The following GRIK3 variants were observed in gnomAD, a reference collection of about 807,000 sequenced individuals.
GRIK3 encodes the protein glutamate ionotropic receptor kainate type subunit 3.
In GRIK3, 29 loss-of-function variants were observed where a neutral mutation model predicts 102.5. That is an observed-to-expected ratio of 0.28 (90% CI 0.21 to 0.39). The LOEUF (loss-of-function observed/expected upper bound fraction) is 0.39, where lower values mean the gene tolerates loss of function less well. Among genes scored for constraint, GRIK3 ranks in the 10% least tolerant of loss-of-function variants. The pLI, the probability that GRIK3 is intolerant of heterozygous loss-of-function variation, is 1.00. For synonymous variants in GRIK3, 511 were observed against 504.9 expected (o/e 1.01, Z -0.16); for missense variants, 908 against 1,252.4 (o/e 0.73, Z 4.15).
At chr1:36,976,104 G>T (rs1362673620) in intron 1 of GRIK3, among the ~76,000 whole-genome samples, 1 of 152,148 alleles carries the variant, frequency 6.6e-6, no homozygotes, top group Non-Finnish European at 1.5e-5. Context: ...CTCCTGCTTG[G>T]CTACAGCAGG....
chr1:37,013,453 C>T (rs935201143), intron 1 of GRIK3, among the ~76,000 whole-genome samples: 2 of 152,204 alleles, frequency 1.3e-5, no homozygotes, highest in Admixed American at 1.3e-4. Context: ...CTGGGCTACT[C>T]CTCTGGCATG....
intron 1 of GRIK3, among the ~76,000 whole-genome samples, chr1:36,989,093 C>T (rs1642336940): frequency 6.6e-6 from 1 of 152,146 alleles, no homozygotes; most frequent in Non-Finnish European, 1.5e-5. Flanking sequence ...CAAACACAGG[C>T]TCACGCCCCA....
At chr1:36,925,411 C>T in intron 1 of GRIK3, among the ~76,000 whole-genome samples, 1 of 152,372 alleles carries the variant, frequency 6.6e-6, no homozygotes, top group South Asian at 2.1e-4. Flanking sequence ...GCCCTCGGAG[C>T]CTTTCCCCTG....
At chr1:36,844,749 A>G (rs574395528) in intron 9 of GRIK3, among the ~76,000 whole-genome samples, 3 of 152,188 alleles carry the variant, frequency 2.0e-5, no homozygotes, top group African/African-American at 7.2e-5. Flanking sequence ...CAATATTATT[A>G]TTATTATTAA....
At chr1:36,875,474 C>A (rs1488772437) in intron 3 of GRIK3, among the ~76,000 whole-genome samples, 2 of 152,242 alleles carry the variant, frequency 1.3e-5, no homozygotes, top group Admixed American at 6.5e-5. Context: ...ATTGGGCTCA[C>A]CCATGTGAAT....
rs563247673 is a variant in GRIK3, at chr1:36,951,987, T to C, written c.116-60891A>G. On this transcript the variant is annotated intron_variant, in intron 1 of 15. Coordinates refer to ENST00000373091, the MANE Select transcript of GRIK3 (RefSeq NM_000831.4). ...TGTGGGGAGGAGCATCGAAGGGAAA[T>C]GAATGTTCCTGCCAGTCAGCCACCT... Among the ~76,000 whole-genome samples, 6 of 151,930 alleles carry C rather than the reference T, an allele frequency of 3.9e-5. No individual in the cohort carries two copies. The East Asian group carries it at 1.2e-3, about 30-fold the overall frequency.
intron 1 of GRIK3, among the ~76,000 whole-genome samples, chr1:36,933,155 T>TA (rs1641615354): frequency 2.0e-5 from 3 of 152,150 alleles, no homozygotes; most frequent in Non-Finnish European, 4.4e-5. Context: ...ACTCTCTGCT[T>TA]TCTAAACAGT....
intron 10 of GRIK3, 112 bp downstream of exon 10, chr1:36,841,624 C>T: frequency 1.1e-6 from 1 of 888,058 alleles, no homozygotes; most frequent in Non-Finnish European, 1.8e-6. Context: ...ATCTCCATCA[C>T]TCCTGTCCCC....
intron 11 of GRIK3, among the ~76,000 whole-genome samples, chr1:36,821,254 A>G (rs1043517598): frequency 6.6e-6 from 1 of 152,256 alleles, no homozygotes; most frequent in South Asian, 2.1e-4. Flanking sequence ...CAAGACAGGG[A>G]TCTTCAAAGG....
intron 1 of GRIK3, among the ~76,000 whole-genome samples, chr1:36,999,409 C>T (rs532954755): frequency 1.3e-5 from 2 of 152,180 alleles, no homozygotes; most frequent in East Asian, 3.9e-4. Flanking sequence ...AGCACCAGGG[C>T]AGGTAGACAG....
chr1:36,864,418 G>A (rs1392789583), intron 5 of GRIK3, among the ~76,000 whole-genome samples: 1 of 152,214 alleles, frequency 6.6e-6, no homozygotes, highest in East Asian at 1.9e-4. Context: ...ATGGCATTCA[G>A]TCTCTTCTCC....
rs1386089058 is a variant in GRIK3 at position 37,010,634 on chromosome 1, AG to A, written c.115+23359del. Among the ~76,000 whole-genome samples, 3 of 151,912 alleles carry A rather than the reference AG, an allele frequency of 2.0e-5. No individual in the cohort carries two copies. In the East Asian group the frequency reaches 5.8e-4, roughly 29 times the overall value. ...TGCAGTGTCCGGCTGTAATGCTTGT[AG>A]AAAGCACCCAGGAGTTGCCCAACCT... On this transcript the variant is annotated intron_variant, in intron 1 of 15. Coordinates refer to ENST00000373091, the MANE Select transcript of GRIK3 (RefSeq NM_000831.4).
intron 4 of GRIK3, among the ~76,000 whole-genome samples, chr1:36,870,117 C>G (rs1640826856): frequency 6.6e-6 from 1 of 152,228 alleles, no homozygotes. Context: ...GTCTCCCGGC[C>G]TGCCACACTT....
At chr1:36,978,911 G>A (rs1642221298) in intron 1 of GRIK3, among the ~76,000 whole-genome samples, 1 of 152,216 alleles carries the variant, frequency 6.6e-6, no homozygotes, top group East Asian at 1.9e-4. Context: ...CTTGATAGCA[G>A]ATGGTAGTCA....
chr1:37,000,931 C>A (rs186743039), intron 1 of GRIK3, among the ~76,000 whole-genome samples: 2 of 152,182 alleles, frequency 1.3e-5, no homozygotes, highest in Non-Finnish European at 2.9e-5. Flanking sequence ...TGGCAAATAC[C>A]GAAGCATTGC....
chr1:36,917,085 G>A (rs766320567), intron 1 of GRIK3, among the ~76,000 whole-genome samples: 2 of 152,218 alleles, frequency 1.3e-5, no homozygotes, highest in Non-Finnish European at 2.9e-5. Context: ...TCTTGCATCA[G>A]TGTGATCTGT....
In GRIK3 at chr1:36,872,046, C is replaced by T; in HGVS notation, c.732+142G>A. On this transcript the variant is annotated intron_variant, in intron 4 of 15. Coordinates refer to ENST00000373091, the MANE Select transcript of GRIK3 (RefSeq NM_000831.4). This position sits in a 1 kb window ranked among gnomAD's most constrained non-coding sequence, Gnocchi z 5.9. ...AAATGAGGCTCAGAGAGGCAAACCACCCAAGGTCACACAGCAGGAAAGTGG... is the reference window on the plus strand; with the variant it reads ...AAATGAGGCTCAGAGAGGCAAACCATCCAAGGTCACACAGCAGGAAAGTGG... 1 of 752,878 alleles carries T rather than the reference C, an allele frequency of 1.3e-6. No individual in the cohort carries two copies. The highest frequency in any genetic ancestry group is 2.1e-6 in the Non-Finnish European group (1 of 482,368). The allele number at this position is 752,878 out of a possible 1,614,324, so 46.6% of individuals were successfully genotyped here.
chr1:36,898,936 A>T (rs1356251887), intron 1 of GRIK3, among the ~76,000 whole-genome samples: 1 of 152,208 alleles, frequency 6.6e-6, no homozygotes, highest in Admixed American at 6.5e-5. Context: ...TGGGGAAAGG[A>T]TAGTCTTTTC....
At position 36,806,058 on chromosome 1, in the gene GRIK3, C is replaced by T; in HGVS notation, c.2314+46G>A. 1.5e-6 allele frequency: 2 copies of T among 1,359,748 alleles called. No homozygotes were observed. Among genetic ancestry groups the T allele is most frequent in the Admixed American group, 1.7e-5 (1 of 58,388 alleles). 84.2% of individuals were successfully genotyped at this position (1,359,748 alleles called of 1,614,324 possible). ...GAGGGGACGCGGGGGTGGAGCCCTC[C>T]CTCTGCCCACACACCCACCCCTCCC... On this transcript the variant is annotated intron_variant, in intron 14 of 15. Coordinates refer to ENST00000373091, the MANE Select transcript of GRIK3 (RefSeq NM_000831.4). This position sits in a 1 kb window ranked among gnomAD's most constrained non-coding sequence, Gnocchi z 4.0.
Sources: allele counts gnomAD v4.1 joint callset (sites outside exome capture counted in the v4.1 genomes callset), GRCh38; gene constraint gnomAD v4.1.1; non-coding constraint Gnocchi (gnomAD v3.1); transcripts MANE v1.5; gene names NCBI Gene and HGNC (gene_info 2026-07-23, HGNC 2026-07-21).